LRRC37A2: variants seen among roughly 807,000 people sequenced by gnomAD.
LRRC37A2 encodes leucine-rich repeat-containing protein 37A2.
LRRC37A2 carries 9 observed loss-of-function variants against 68.8 expected under a neutral mutation model. That is an observed-to-expected ratio of 0.13 (90% CI 0.08 to 0.23). LRRC37A2 has a LOEUF of 0.23. LRRC37A2 is among the 10% of genes least tolerant of loss of function. The pLI is 1.00. For missense variants in LRRC37A2, 168 were observed against 950.4 expected (o/e 0.18, Z 10.82); for synonymous variants, 63 against 367.6 (o/e 0.17, Z 9.48).
At chr17:46,997,208 C>G in the LRRC37A2 span, among the ~76,000 whole-genome samples, 1 of 151,892 alleles carries the variant, frequency 6.6e-6, no homozygotes, top group African/African-American at 2.4e-5. Flanking sequence ...AAAAATTAGC[C>G]AAGTGTGGTG....
chr17:46,764,570 A>C, the LRRC37A2 span: 1 of 152,246 alleles, frequency 6.6e-6, no homozygotes, highest in Non-Finnish European at 1.5e-5. Flanking sequence ...CCTGCTTCCC[A>C]TGAGACTTCG....
the LRRC37A2 span, chr17:46,935,343 A>C: frequency 6.8e-7 from 1 of 1,472,768 alleles, no homozygotes. Flanking sequence ...TGTGAGCCTG[A>C]AAGTACCCAG....
chr17:46,755,376 A>T, the LRRC37A2 span: 1 of 1,610,350 alleles, frequency 6.2e-7, no homozygotes, highest in East Asian at 2.2e-5. Flanking sequence ...GAGCGTAAGT[A>T]CATACAACAT....
chr17:46,932,279 GTTT>G, the LRRC37A2 span: 1 of 1,540,110 alleles, frequency 6.5e-7, no homozygotes, highest in Non-Finnish European at 9.0e-7. Context: ...AGCGCCATCT[GTTT>G]TGGGGGTGTC....
chr17:46,687,492 C>A, the LRRC37A2 span, among the ~76,000 whole-genome samples: 2 of 144,950 alleles, frequency 1.4e-5, no homozygotes, highest in Non-Finnish European at 3.1e-5. Context: ...CAGTCTTCCA[C>A]CCTACATGCA....
At chr17:46,978,619 C>T in the LRRC37A2 span, 2 of 1,559,902 alleles carry the variant, frequency 1.3e-6, no homozygotes, top group South Asian at 2.4e-5. Flanking sequence ...TGCAGCAGCG[C>T]TGGCGAGGGC....
the LRRC37A2 span, among the ~76,000 whole-genome samples, chr17:46,905,665 C>A: frequency 6.6e-6 from 1 of 152,234 alleles, no homozygotes; most frequent in Non-Finnish European, 1.5e-5. Flanking sequence ...GCTAAGCCAT[C>A]ATCCCCAACA....
the LRRC37A2 span, among the ~76,000 whole-genome samples, chr17:46,583,219 C>T: frequency 5.9e-5 from 4 of 67,926 alleles, 2 homozygotes; most frequent in Admixed American, 6.1e-4. Context: ...CCACCTCAGC[C>T]TCCCAAAGTG....
At chr17:46,839,538 GT>G in the LRRC37A2 span, among the ~76,000 whole-genome samples, 2 of 151,966 alleles carry the variant, frequency 1.3e-5, no homozygotes, top group South Asian at 2.1e-4. Flanking sequence ...ATATATATAT[GT>G]TTTTTTATTA....
the LRRC37A2 span, chr17:46,948,823 C>G: frequency 6.6e-6 from 1 of 152,224 alleles, no homozygotes; most frequent in Admixed American, 6.5e-5. Context: ...TTGGGACTGC[C>G]TGGGTTCCCT....
chr17:47,040,420 A>G, the LRRC37A2 span, among the ~76,000 whole-genome samples: 1 of 151,976 alleles, frequency 6.6e-6, no homozygotes, highest in Non-Finnish European at 1.5e-5. Flanking sequence ...AAAGTTGAAT[A>G]TTTTAAATAA....
chr17:46,667,146 TATTA>T, the LRRC37A2 span, among the ~76,000 whole-genome samples: 1 of 120,576 alleles, frequency 8.3e-6, no homozygotes, highest in South Asian at 2.9e-4. Context: ...AGAAATAAGC[TATTA>T]ATTAATAGCC....
At chr17:46,750,010 G>A in the LRRC37A2 span, 1 of 1,287,144 alleles carries the variant, frequency 7.8e-7, no homozygotes. Flanking sequence ...ATGCTAATCT[G>A]GAACATGGGA....
chr17:46,988,722 A>G, the LRRC37A2 span, among the ~76,000 whole-genome samples: 1 of 152,198 alleles, frequency 6.6e-6, no homozygotes, highest in Non-Finnish European at 1.5e-5. Flanking sequence ...AGTGTCAGGC[A>G]GACAGTTGGA....
the LRRC37A2 span, chr17:46,831,006 A>T: frequency 2.7e-6 from 1 of 372,110 alleles, no homozygotes; most frequent in Non-Finnish European, 4.8e-6. Context: ...AAAATGAGTA[A>T]ATCTAAAATC....
chr17:46,847,473 TG>T, the LRRC37A2 span, among the ~76,000 whole-genome samples: 1 of 152,182 alleles, frequency 6.6e-6, no homozygotes, highest in Non-Finnish European at 1.5e-5. Flanking sequence ...TTCAAGTATG[TG>T]GGGCTAGGAC....
the LRRC37A2 span, among the ~76,000 whole-genome samples, chr17:46,920,195 T>C: frequency 6.6e-5 from 10 of 152,258 alleles, no homozygotes; most frequent in Admixed American, 5.9e-4. Flanking sequence ...CTATTGATTC[T>C]TGAAGGTCTT....
chr17:46,942,915 G>A, the LRRC37A2 span, among the ~76,000 whole-genome samples: 3 of 152,188 alleles, frequency 2.0e-5, no homozygotes, highest in Non-Finnish European at 2.9e-5. Context: ...GAGCCTCTGT[G>A]AGCCATCCCT....
the LRRC37A2 span, among the ~76,000 whole-genome samples, chr17:46,943,149 C>T: frequency 2.0e-5 from 3 of 152,164 alleles, no homozygotes; most frequent in African/African-American, 4.8e-5. Context: ...AAGGCTAGCC[C>T]GTCCCCCATG....
Sources: allele counts gnomAD v4.1 joint callset (sites outside exome capture counted in the v4.1 genomes callset), GRCh38; gene constraint gnomAD v4.1.1; transcripts MANE v1.5; gene names NCBI Gene and HGNC (gene_info 2026-07-23, HGNC 2026-07-21).